The following OTOP3 variants were observed in gnomAD, a reference collection of about 807,000 sequenced individuals.
The protein encoded by OTOP3 is otopetrin 3, also known as proton channel OTOP3.
OTOP3 carries 41 observed loss-of-function variants against 50.8 expected under a neutral mutation model. That is an observed-to-expected ratio of 0.81 (90% confidence interval 0.63 to 1.05). The LOEUF (loss-of-function observed/expected upper bound fraction) is 1.05. Among genes scored for constraint, OTOP3 ranks in the 50% least tolerant of loss-of-function variants. OTOP3 has a pLI of 0.00. For missense variants in OTOP3, 788 were observed against 760.8 expected (o/e 1.04, Z -0.42); for synonymous variants, 320 against 324.4 (o/e 0.99, Z 0.14).
chr17:74,943,263 G>T (rs1291242776), intron 3 of OTOP3, 23 bp from the exon 4 acceptor site: 3 of 1,613,588 alleles, frequency 1.9e-6, no homozygotes, highest in Non-Finnish European at 1.7e-6. Flanking sequence ...CAGCCCCTGG[G>T]CTCAAGGCCC....
chr17:74,944,807 C>G (rs1476973870), intron 5 of OTOP3, among the ~76,000 whole-genome samples: 2 of 152,146 alleles, frequency 1.3e-5, no homozygotes, highest in African/African-American at 4.8e-5. Flanking sequence ...AAGAACAAGA[C>G]ATACCCATCA....
Position 74,942,649 on chromosome 17 carries a change from C to T in OTOP3, c.573+612C>T, listed in dbSNP as rs142676029. 1.0e-3 allele frequency among the ~76,000 whole-genome samples: 152 copies of T among 150,372 alleles called. 1 individual carries two copies. Among genetic ancestry groups the T allele is most frequent in the African/African-American group, 3.6e-3 (147 of 40,844 alleles). ...CTGTCTCAAAAAAAAAGAATACAAT[C>T]GGCCAGGCGCGGTGGCTCACACCTG... On this transcript the variant is annotated intron_variant, in intron 3 of 6. Coordinates refer to ENST00000328801, the MANE Select transcript of OTOP3 (RefSeq NM_001272005.2).
rs138840606 is a variant in OTOP3, at chr17:74,941,928, C to A, written c.464C>A (p.Thr155Asn). 4.4e-4 allele frequency: 717 copies of A among 1,611,830 alleles called. 4 individuals are homozygous for A. The African/African-American group carries it at 8.6e-3, about 19-fold the overall frequency. Residue 155 changes from threonine (T) to asparagine (N), a missense_variant, in exon 3 of 7, where the codon ACC becomes AAC. Thr to Asn is a moderately conservative substitution (Grantham distance 65, BLOSUM62 0). Transcript: ENST00000328801. ...TCCCTAGTGCTCTTCGGCAGCTGCA[C>A]CTTCTGCCTCAACATCTTCCGAGTG... is the stretch of plus-strand genomic sequence containing the variant. Reference protein sequence around the residue: ...RGSLVLFGSCTFCLNIFRVGY... With the variant: ...RGSLVLFGSCNFCLNIFRVGY...
At chr17:74,937,698 T>G (rs555724606) in intron 1 of OTOP3, among the ~76,000 whole-genome samples, 45 of 152,276 alleles carry the variant, frequency 3.0e-4, no homozygotes, top group Non-Finnish European at 2.9e-5. Context: ...CCAGAGTCAG[T>G]GGGCAATCAC....
intron 1 of OTOP3, among the ~76,000 whole-genome samples, chr17:74,937,754 G>A (rs1467111104): frequency 1.3e-5 from 2 of 152,200 alleles, no homozygotes; most frequent in Admixed American, 6.5e-5. Context: ...TCCAAGTTAA[G>A]CAGGACCCGG....
In OTOP3 at chr17:74,936,460, G is replaced by A. The variant is rs371653497; in HGVS notation, c.19+520G>A. 1.7e-3 allele frequency among the ~76,000 whole-genome samples: 257 copies of A among 152,138 alleles called. 2 individuals carry two copies. The highest frequency in any genetic ancestry group is 5.3e-3 in the African/African-American group (221 of 41,528). The stretch of plus-strand genomic sequence containing the variant: ...GACCCACAAACCAGTCCAGTGTCCC[G>A]GCCCTCCCTTGGACTGGCGTCGCGC... On this transcript the variant is annotated intron_variant, in intron 1 of 6. Transcript: ENST00000328801.
Position 74,935,934 on chromosome 17 carries a change from G to T in OTOP3, c.13G>T (p.Ala5Ser). ...TTAGCCCACGGCGATGCCTCTCCCG[G>T]CCTCAGGTAAGCCCGGAGCGCCGGC... Reference protein sequence around the residue: MPLPASAPAEATPMP... With the variant: MPLPSSAPAEATPMP... The change falls in exon 1 of 7, where the codon GCC becomes TCC. Residue 5 changes from alanine (A) to serine (S), a missense_variant. By Grantham distance (99) the Ala-to-Ser change is moderately conservative. Transcript: ENST00000328801. 6.5e-7 allele frequency: 1 copy of T among 1,544,288 alleles called. No individual in the cohort carries two copies. The highest frequency in any genetic ancestry group is 8.7e-7 in the Non-Finnish European group (1 of 1,146,698).
intron 1 of OTOP3, among the ~76,000 whole-genome samples, chr17:74,936,547 C>G (rs1043768856): frequency 6.6e-6 from 1 of 152,204 alleles, no homozygotes; most frequent in African/African-American, 2.4e-5. Flanking sequence ...CTTGCCCCAG[C>G]CTTCTGCCCG....
chr17:74,949,793 A>T lies in OTOP3; in HGVS notation c.*377A>T. 5.4e-6 allele frequency: 1 copy of T among 186,176 alleles called. No individual in the cohort carries two copies. The allele number at this position is 186,176 out of a possible 1,614,324, so 11.5% of individuals were successfully genotyped here. A position where few individuals can be genotyped will look rare whatever the true frequency, so the allele number is the denominator to read the frequency against. ...CGAGGGGCACCCCTCTCCAGCCAGG[A>T]CTCAGAGGTCTGCCCCCTGCTGCGA... is the stretch of plus-strand genomic sequence containing the variant. On this transcript the variant is annotated 3_prime_UTR_variant, in exon 7 of 7. Coordinates refer to ENST00000328801, the MANE Select transcript of OTOP3 (RefSeq NM_001272005.2).
At chr17:74,936,770 T>C (rs2039119824) in intron 1 of OTOP3, among the ~76,000 whole-genome samples, 1 of 151,990 alleles carries the variant, frequency 6.6e-6, no homozygotes, top group African/African-American at 2.4e-5. Flanking sequence ...CCCTTGAAAT[T>C]TCACCAGTAA....
At position 74,938,690 on chromosome 17, in the gene OTOP3, G is replaced by A. The variant is rs549476851; in HGVS notation, c.20-2703G>A. Among the ~76,000 whole-genome samples the A allele has an allele frequency of 1.8e-4, 28 of 152,288 alleles. No individual in the cohort carries two copies. The East Asian group carries it at 5.4e-3, about 29-fold the overall frequency. On this transcript the variant is annotated intron_variant, in intron 1 of 6. Transcript: ENST00000328801. ...GGCAGAGAACCTGGAACCTTGTCCA[G>A]GCCCATACTAATCATACACCTCTCA... is the stretch of plus-strand genomic sequence containing the variant.
rs781311673 is a variant in OTOP3 at position 74,949,388 on chromosome 17, G to C, written c.1709G>C (p.Gly570Ala). Residue 570 changes from glycine (G) to alanine (A), a missense_variant, in exon 7 of 7, where the codon GGC becomes GCC. Transcript: ENST00000328801. ...TTCTACCGCATGCACTCTGTGGGAGGCCTGGTGGAGGTCTACCTGGGGGCC... is the reference window on the plus strand; with the variant it reads ...TTCTACCGCATGCACTCTGTGGGAGCCCTGGTGGAGGTCTACCTGGGGGCC... ...GVFYRMHSVG[G>A]LVEVYLGA The C allele has an allele frequency of 9.3e-6, 15 of 1,613,332 alleles. No individual in the cohort carries two copies. In the South Asian group the frequency reaches 1.6e-4, roughly 18 times the overall value.
chr17:74,940,609 C>T (rs118053566), intron 1 of OTOP3, among the ~76,000 whole-genome samples: 3 of 152,176 alleles, frequency 2.0e-5, no homozygotes, highest in Admixed American at 1.3e-4. Context: ...CATAGGAGCA[C>T]AAGCCCTATC....
Position 74,946,873 on chromosome 17 carries a change from G to T in OTOP3, c.964G>T (p.Gly322Trp), listed in dbSNP as rs532441925. 9 of 1,610,866 alleles carry T rather than the reference G, an allele frequency of 5.6e-6. No individual in the cohort carries two copies. The African/African-American group carries it at 1.2e-4, about 21-fold the overall frequency. ...CTTCCACCTGCACGGGGCCATCTTC[G>T]GGCCGCTGCTGGGCCTGCTGGTGCT... The part of the protein sequence containing the change: ...APFHLHGAIF[G>W]PLLGLLVLLA... Residue 322 changes from glycine (G) to tryptophan (W), a missense_variant, in exon 6 of 7, where the codon GGG (glycine) becomes TGG (tryptophan). Coordinates refer to ENST00000328801, the MANE Select transcript of OTOP3 (RefSeq NM_001272005.2).
In OTOP3 at chr17:74,947,455, C is replaced by A; in HGVS notation, c.1546C>A (p.Leu516Ile). ...RRALKEISLFLILCNITLWMM... is the reference protein window; with the variant it reads ...RRALKEISLFIILCNITLWMM... ...GGCACTCAAGGAGATCTCACTCTTC[C>A]TCATCCTCTGCAATATCACAGTAAG... is the stretch of plus-strand genomic sequence containing the variant. Residue 516 changes from leucine to isoleucine, a missense_variant, in exon 6 of 7, where the codon CTC becomes ATC. By Grantham distance (5) the Leu-to-Ile change is conservative. Transcript: ENST00000328801. The A allele has an allele frequency of 6.2e-7, 1 of 1,604,562 alleles. No homozygotes were observed. Among genetic ancestry groups the A allele is most frequent in the Non-Finnish European group, 8.5e-7 (1 of 1,174,558 alleles).
At chr17:74,937,974 G>GAGGC (rs1476272879) in intron 1 of OTOP3, among the ~76,000 whole-genome samples, 2 of 152,208 alleles carry the variant, frequency 1.3e-5, no homozygotes, top group Admixed American at 6.5e-5. Context: ...GGGATGGCAG[G>GAGGC]AGGCAGGAGA....
chr17:74,949,267 G>C lies in OTOP3; in HGVS notation c.1588G>C (p.Gly530Arg). ...NITLWMMPAF[G>R]IHPEFENGLE... ...CCAGCTGTGGATGATGCCTGCATTT[G>C]GCATACACCCGGAGTTTGAGAACGG... Residue 530 changes from glycine (G) to arginine (R), a missense_variant, in exon 7 of 7, where the codon GGC (glycine) becomes CGC (arginine). Coordinates refer to ENST00000328801, the MANE Select transcript of OTOP3 (RefSeq NM_001272005.2). The C allele has an allele frequency of 6.2e-7, 1 of 1,614,050 alleles. No individual in the cohort carries two copies. Among genetic ancestry groups the C allele is most frequent in the Non-Finnish European group, 8.5e-7 (1 of 1,179,976 alleles).
chr17:74,944,017 A>G (rs1348094880), intron 5 of OTOP3, among the ~76,000 whole-genome samples: 2 of 152,164 alleles, frequency 1.3e-5, no homozygotes, highest in African/African-American at 4.8e-5. Flanking sequence ...TCCTTCAGGT[A>G]TGCACCCCGC....
intron 3 of OTOP3, among the ~76,000 whole-genome samples, chr17:74,942,645 C>T (rs2039188907): frequency 1.5e-5 from 2 of 136,118 alleles, no homozygotes; most frequent in Non-Finnish European, 3.2e-5. Flanking sequence ...AAAAAGAATA[C>T]AATCGGCCAG....
Sources: allele counts gnomAD v4.1 joint callset (sites outside exome capture counted in the v4.1 genomes callset), GRCh38; gene constraint gnomAD v4.1.1; transcripts MANE v1.5; gene names NCBI Gene and HGNC (gene_info 2026-07-23, HGNC 2026-07-21).